The following ANO4 variants were observed in gnomAD, a reference collection of about 807,000 sequenced individuals.
The protein encoded by ANO4 is anoctamin-4.
A neutral mutation model predicts 141.9 loss-of-function variants in ANO4; 69 were observed. The observed-to-expected ratio is 0.49, with a 90% CI of 0.40 to 0.59. The LOEUF is 0.59. Ranked by LOEUF, ANO4 falls within the 20% of genes least tolerant of loss-of-function variation. ANO4 has a pLI of 0.00. For missense variants in ANO4, 894 were observed against 1,162.2 expected, an observed-to-expected ratio of 0.77 and a Z score of 3.36; for synonymous variants, 350 against 394.3, an observed-to-expected ratio of 0.89 and a Z score of 1.33.
chr12:100,861,822 T>A (rs1004808751), intron 1 of ANO4, among the ~76,000 whole-genome samples: 1 of 152,200 alleles, frequency 6.6e-6, no homozygotes, highest in African/African-American at 2.4e-5. Flanking sequence ...ATTCTATAAG[T>A]TTTTTTCTAT....
At chr12:100,898,165 A>G (rs556632592) in intron 1 of ANO4, among the ~76,000 whole-genome samples, 4 of 152,356 alleles carry the variant, frequency 2.6e-5, no homozygotes, top group Admixed American at 6.5e-5. Flanking sequence ...ATAATGATCA[A>G]TATCGAGTGT....
intron 16 of ANO4, among the ~76,000 whole-genome samples, chr12:101,086,110 G>C (rs2049485022): frequency 6.6e-6 from 1 of 150,788 alleles, no homozygotes. Context: ...GTGTGTGTGT[G>C]TGTGTGTGTG....
At position 101,069,580 on chromosome 12, in the gene ANO4, C is replaced by T. The variant is rs557936891; in HGVS notation, c.1313-9613C>T. 5.9e-5 allele frequency among the ~76,000 whole-genome samples: 9 copies of T among 152,294 alleles called. No individual in the cohort carries two copies. The East Asian group carries it at 1.5e-3, about 26-fold the overall frequency. Reference sequence around the variant, plus strand: ...AATCATCTGGCCCATGTCCTACAAACCCATGAATGTCAGGGAGGTGCCAGT... The same window carrying T: ...AATCATCTGGCCCATGTCCTACAAATCCATGAATGTCAGGGAGGTGCCAGT... On this transcript the variant is annotated intron_variant, in intron 14 of 27. Coordinates refer to ENST00000392977, the MANE Select transcript of ANO4 (RefSeq NM_001286615.2).
rs565672180 is a variant in ANO4 at position 100,775,802 on chromosome 12, G to A, written c.358+35697G>A. ...TTTTTTCTTCCTATTACGATTATGAGTTCTTAGAGATAAGAGCTTTTTATT... is the reference window on the plus strand; with the variant it reads ...TTTTTTCTTCCTATTACGATTATGAATTCTTAGAGATAAGAGCTTTTTATT... On this transcript the variant is annotated intron_variant, in intron 3 of 29. Transcript: ENST00000644049. 9.9e-5 allele frequency among the ~76,000 whole-genome samples: 15 copies of A among 151,966 alleles called. No individual in the cohort carries two copies. In the South Asian group the frequency reaches 3.1e-3, roughly 32 times the overall value.
rs539358543 is a variant in ANO4, at chr12:100,908,378, AC to A, written c.55+6539del. Reference sequence around the variant, plus strand: ...AACAAAAACAAAACAAAACAAAAAAACATCACTTTACTTATCTACCCATCAT... The same window carrying A: ...AACAAAAACAAAACAAAACAAAAAAAATCACTTTACTTATCTACCCATCAT... On this transcript the variant is annotated intron_variant, in intron 2 of 27. Coordinates refer to ENST00000392977, the MANE Select transcript of ANO4 (RefSeq NM_001286615.2). Among the ~76,000 whole-genome samples the A allele has an allele frequency of 3.2e-4, 48 of 152,226 alleles. 1 individual carries two copies. The South Asian group carries it at 8.1e-3, about 26-fold the overall frequency.
chr12:100,921,306 A>C (rs920557532), intron 2 of ANO4, among the ~76,000 whole-genome samples: 1 of 152,112 alleles, frequency 6.6e-6, no homozygotes, highest in Non-Finnish European at 1.5e-5. Context: ...GCTATGAGTT[A>C]TCTTATTCTT....
intron 1 of ANO4, among the ~76,000 whole-genome samples, chr12:100,871,134 T>C (rs2039013229): frequency 6.6e-6 from 1 of 152,226 alleles, no homozygotes; most frequent in South Asian, 2.1e-4. Flanking sequence ...TTACTGAGTT[T>C]TCATATCACC....
intron 3 of ANO4, among the ~76,000 whole-genome samples, chr12:100,744,028 A>G (rs780775336): frequency 9.2e-5 from 14 of 152,092 alleles, no homozygotes; most frequent in Admixed American, 8.5e-4. Context: ...CTGATCCTCA[A>G]TCACTCCATT....
At position 100,746,453 on chromosome 12, in the gene ANO4, T is replaced by TAAAAAAAAAAAAAAAA. The variant is rs58996492; in HGVS notation, c.358+6353_358+6354insAAAAAAAAAAAAAAAA. On this transcript the variant is annotated intron_variant, in intron 3 of 29. Coordinates refer to the ANO4 transcript ENST00000644049. The stretch of plus-strand genomic sequence containing the variant: ...GAGCAACAAAGTGAGACTCTGTTAT[T>TAAAAAAAAAAAAAAAA]AAAAAGAATGATCTTGAATCTAGAA... Among the ~76,000 whole-genome samples, 14 of 146,894 alleles carry TAAAAAAAAAAAAAAAA rather than the reference T, an allele frequency of 9.5e-5. 1 individual carries two copies. Among genetic ancestry groups the TAAAAAAAAAAAAAAAA allele is most frequent in the Non-Finnish European group, 1.4e-4 (9 of 65,896 alleles).
intron 1 of ANO4, among the ~76,000 whole-genome samples, chr12:100,851,543 T>C (rs2037871981): frequency 6.6e-6 from 1 of 152,212 alleles, no homozygotes; most frequent in Non-Finnish European, 1.5e-5. Flanking sequence ...CTACTAATCT[T>C]TTACTTTGTG....
intron 8 of ANO4, among the ~76,000 whole-genome samples, chr12:101,005,052 C>A (rs2136419940): frequency 6.6e-6 from 1 of 152,300 alleles, no homozygotes; most frequent in Non-Finnish European, 1.5e-5. Context: ...ACATTCAGAA[C>A]AACTCAGCTC....
At chr12:101,086,918 A>T in intron 17 of ANO4, 94 bp downstream of exon 17, 7 of 1,433,346 alleles carry the variant, frequency 4.9e-6, no homozygotes, top group Non-Finnish European at 6.7e-6. Context: ...GGCCTCAGAG[A>T]GGTGGGCCAT....
At chr12:100,886,314 G>C (rs1259167213) in intron 1 of ANO4, among the ~76,000 whole-genome samples, 2 of 145,398 alleles carry the variant, frequency 1.4e-5, no homozygotes, top group African/African-American at 5.1e-5. Flanking sequence ...TAGCATATAA[G>C]TGAGTTTTCT....
chr12:100,913,227 G>A (rs1166668659), intron 2 of ANO4, among the ~76,000 whole-genome samples: 2 of 152,002 alleles, frequency 1.3e-5, no homozygotes, highest in Non-Finnish European at 2.9e-5. Flanking sequence ...ACAACCTTTT[G>A]AGCACAGAAA....
At chr12:100,870,196 A>C (rs993812249) in intron 1 of ANO4, among the ~76,000 whole-genome samples, 1 of 152,218 alleles carries the variant, frequency 6.6e-6, no homozygotes, top group African/African-American at 2.4e-5. Context: ...TGGGATCCTA[A>C]GTTAAGCAAC....
chr12:101,024,713 T>C (rs2046664776), intron 9 of ANO4, among the ~76,000 whole-genome samples: 1 of 152,192 alleles, frequency 6.6e-6, no homozygotes, highest in Admixed American at 6.5e-5. Context: ...CAATAGAGAC[T>C]CCAGGGAATC....
chr12:101,075,065 T>C (rs928068746), intron 14 of ANO4, among the ~76,000 whole-genome samples: 2 of 152,152 alleles, frequency 1.3e-5, no homozygotes, highest in Non-Finnish European at 2.9e-5. Flanking sequence ...TAGAGTTGTG[T>C]GCACAACTCA....
intron 1 of ANO4, among the ~76,000 whole-genome samples, chr12:100,868,784 T>C (rs2038888808): frequency 6.6e-6 from 1 of 152,204 alleles, no homozygotes; most frequent in Non-Finnish European, 1.5e-5. Context: ...TTTCTTCCTC[T>C]CCAGCAGGGA....
In ANO4 at chr12:101,106,738, G is replaced by A. The variant is rs192691658; in HGVS notation, c.2150-3666G>A. ...TTATTTATAAAAAGATATTAAGCAGGTATGACAAAATGTTACCAAGAGTTA... is the reference window on the plus strand; with the variant it reads ...TTATTTATAAAAAGATATTAAGCAGATATGACAAAATGTTACCAAGAGTTA... On this transcript the variant is annotated intron_variant, in intron 22 of 27. Coordinates refer to ENST00000392977, the MANE Select transcript of ANO4 (RefSeq NM_001286615.2). Among the ~76,000 whole-genome samples the A allele has an allele frequency of 2.4e-4, 36 of 151,494 alleles. 1 individual carries two copies. In the East Asian group the frequency reaches 3.9e-3, roughly 16 times the overall value.
Sources: gnomAD v4.1 joint callset for allele counts (sites outside exome capture counted in the v4.1 genomes callset) on GRCh38, gnomAD v4.1.1 for gene constraint, MANE v1.5 for transcripts, NCBI Gene and HGNC (gene_info 2026-07-23, HGNC 2026-07-21) for gene names.